Variants in SLC44A5 observed in about 807,000 individuals in gnomAD.
The protein encoded by SLC44A5 is choline transporter-like protein 5.
SLC44A5 carries 57 observed loss-of-function variants against 101.8 expected under a neutral mutation model. The observed-to-expected ratio is 0.56, with a 90% CI of 0.45 to 0.70. The LOEUF (loss-of-function observed/expected upper bound fraction) is 0.70, where lower values mean the gene tolerates loss of function less well. Among genes scored for constraint, SLC44A5 ranks in the 30% least tolerant of loss-of-function variants. The pLI is 0.00. For synonymous variants in SLC44A5, 281 were observed against 290.9 expected (o/e 0.97, Z 0.35); for missense variants, 737 against 853.1 (o/e 0.86, Z 1.70).
chr1:75,473,396 A>G (rs1446807558), intron 2 of SLC44A5, among the ~76,000 whole-genome samples: 1 of 152,238 alleles, frequency 6.6e-6, no homozygotes, highest in African/African-American at 2.4e-5. Flanking sequence ...CTCTGAAAAT[A>G]TGACTCAACT....
chr1:75,624,200 T>C, the SLC44A5 span, among the ~76,000 whole-genome samples: 1 of 152,104 alleles, frequency 6.6e-6, no homozygotes, highest in African/African-American at 2.4e-5. Flanking sequence ...TCTAATACAT[T>C]GAATAAAATA....
chr1:75,659,439 G>GGGAA, the SLC44A5 span, among the ~76,000 whole-genome samples: 1 of 12,436 alleles, frequency 8.0e-5, no homozygotes, highest in East Asian at 1.9e-3. Flanking sequence ...GAGGGAGGGA[G>GGGAA]GGAGGGAAGG....
At chr1:75,340,295 C>G (rs904669336) in intron 3 of SLC44A5, among the ~76,000 whole-genome samples, 6 of 152,028 alleles carry the variant, frequency 3.9e-5, no homozygotes, top group Non-Finnish European at 8.8e-5. Flanking sequence ...TTTTTTCTCC[C>G]TACATGTACT....
At chr1:75,594,839 A>G (rs1027466896) in intron 1 of SLC44A5, among the ~76,000 whole-genome samples, 1 of 151,922 alleles carries the variant, frequency 6.6e-6, no homozygotes, top group African/African-American at 2.4e-5. Flanking sequence ...ACCAGTAACA[A>G]CCTGAAAATA....
the SLC44A5 span, among the ~76,000 whole-genome samples, chr1:75,684,064 G>C: frequency 6.6e-6 from 1 of 151,988 alleles, no homozygotes; most frequent in Non-Finnish European, 1.5e-5. Context: ...ATGGTGGAAC[G>C]AAAAGGAAAA....
At chr1:75,709,440 T>G in the SLC44A5 span, among the ~76,000 whole-genome samples, 1 of 152,276 alleles carries the variant, frequency 6.6e-6, no homozygotes, top group African/African-American at 2.4e-5. Context: ...AGACCGATCC[T>G]GGTTCAAAAT....
chr1:75,321,590 G>A (rs1656154183), intron 4 of SLC44A5, among the ~76,000 whole-genome samples: 1 of 152,076 alleles, frequency 6.6e-6, no homozygotes, highest in Admixed American at 6.5e-5. Flanking sequence ...CCATCACACT[G>A]AGGATTGGGG....
At chr1:75,233,309 T>C (rs954264425) in intron 12 of SLC44A5, among the ~76,000 whole-genome samples, 1 of 152,140 alleles carries the variant, frequency 6.6e-6, no homozygotes, top group African/African-American at 2.4e-5. Context: ...ATGACATGCA[T>C]TGTATCCATT....
At chr1:75,672,561 G>C in the SLC44A5 span, among the ~76,000 whole-genome samples, 2 of 152,150 alleles carry the variant, frequency 1.3e-5, no homozygotes, top group East Asian at 3.9e-4. Flanking sequence ...TCCTGGTCCT[G>C]TGCTGGTCTT....
At chr1:75,433,373 T>C (rs1664717689) in intron 2 of SLC44A5, among the ~76,000 whole-genome samples, 1 of 152,100 alleles carries the variant, frequency 6.6e-6, no homozygotes, top group South Asian at 2.1e-4. Context: ...CCCTTCATTC[T>C]AGCTGACCTC....
At chr1:75,214,265 G>A (rs1473955501) in intron 20 of SLC44A5, among the ~76,000 whole-genome samples, 1 of 151,964 alleles carries the variant, frequency 6.6e-6, no homozygotes, top group Non-Finnish European at 1.5e-5. Flanking sequence ...GAGTCCTGAG[G>A]ATGCTGTATT....
chr1:75,615,416 TACACACACACACACATACATACAC>T (rs1557965269), upstream of SLC44A5, among the ~76,000 whole-genome samples: 1 of 131,702 alleles, frequency 7.6e-6, no homozygotes, highest in African/African-American at 3.0e-5. Flanking sequence ...CTCTCTCTCT[TACACACACACACACATACATACAC>T]ACACACACAC....
At chr1:75,406,755 C>T (rs1662898553) in intron 2 of SLC44A5, among the ~76,000 whole-genome samples, 1 of 152,150 alleles carries the variant, frequency 6.6e-6, no homozygotes, top group Admixed American at 6.5e-5. Context: ...CAATATCATA[C>T]TGAATGGGCA....
At chr1:75,238,709 CT>C in intron 9 of SLC44A5, 73 bp from the exon 10 acceptor site, 1 of 1,043,842 alleles carries the variant, frequency 9.6e-7, no homozygotes, top group Non-Finnish European at 1.3e-6. Flanking sequence ...CTTTCTTAAG[CT>C]TTCTGTTATA....
At chr1:75,484,842 A>G (rs1030889583) in intron 2 of SLC44A5, among the ~76,000 whole-genome samples, 3 of 152,244 alleles carry the variant, frequency 2.0e-5, no homozygotes, top group Non-Finnish European at 4.4e-5. Context: ...AAAGCTGCAC[A>G]GGTTTGGGGC....
intron 2 of SLC44A5, among the ~76,000 whole-genome samples, chr1:75,482,065 A>G (rs1667891856): frequency 1.3e-5 from 2 of 152,136 alleles, no homozygotes; most frequent in African/African-American, 4.8e-5. Context: ...TGTGGCACAT[A>G]TACACCATGG....
intron 2 of SLC44A5, among the ~76,000 whole-genome samples, chr1:75,407,442 G>T (rs951452798): frequency 5.9e-5 from 9 of 152,034 alleles, no homozygotes; most frequent in African/African-American, 1.9e-4. Flanking sequence ...GAGGCATCAC[G>T]CTACCTGACT....
At chr1:75,257,930 C>T (rs1650151626) in intron 6 of SLC44A5, among the ~76,000 whole-genome samples, 2 of 152,078 alleles carry the variant, frequency 1.3e-5, no homozygotes, top group African/African-American at 2.4e-5. Flanking sequence ...TGTCACCTCA[C>T]CCAGGAAGCA....
intron 4 of SLC44A5, among the ~76,000 whole-genome samples, chr1:75,301,807 G>A (rs1182045336): frequency 6.6e-6 from 1 of 152,202 alleles, no homozygotes; most frequent in African/African-American, 2.4e-5. Context: ...GGTTCTTAAA[G>A]AAGGGGGCAA....
Sources: gnomAD v4.1 joint callset for allele counts (sites outside exome capture counted in the v4.1 genomes callset) on GRCh38, gnomAD v4.1.1 for gene constraint, MANE v1.5 for transcripts, NCBI Gene and HGNC (gene_info 2026-07-23, HGNC 2026-07-21) for gene names.